Variants in DPYSL5 observed in about 807,000 individuals in gnomAD.
DPYSL5 encodes the protein dihydropyrimidinase like 5.
A neutral mutation model predicts 58.4 loss-of-function variants in DPYSL5; 9 were observed. The observed-to-expected ratio is 0.15, with a 90% confidence interval of 0.09 to 0.27. The LOEUF (loss-of-function observed/expected upper bound fraction) is 0.27, where lower values mean the gene tolerates loss of function less well. Among genes scored for constraint, DPYSL5 ranks in the 10% least tolerant of loss-of-function variants. DPYSL5 has a pLI of 1.00. For synonymous variants in DPYSL5, 293 were observed against 301.9 expected, an observed-to-expected ratio of 0.97 and a Z score of 0.31; for missense variants, 499 against 770.6, an observed-to-expected ratio of 0.65 and a Z score of 4.17.
chr2:26,926,353 T>C (rs1410992929), intron 3 of DPYSL5, among the ~76,000 whole-genome samples: 2 of 152,200 alleles, frequency 1.3e-5, no homozygotes, highest in African/African-American at 4.8e-5. Flanking sequence ...TGAGCCACTC[T>C]CTACTTCCCC....
rs1160933327 is a variant in DPYSL5 at position 26,927,175 on chromosome 2, C to T, written c.421-78C>T. ...GCTGGGGCAGGCCCCACATCTCCCC[C>T]ATGCTGGGCCGGTGCCTGCCAGTCG... is the stretch of plus-strand genomic sequence containing the variant. On this transcript the variant is annotated intron_variant, in intron 3 of 12. Transcript: ENST00000288699. The surrounding 1 kb of genome is among the most constrained non-coding windows in gnomAD (Gnocchi z 4.3). 9.0e-6 allele frequency: 13 copies of T among 1,449,536 alleles called. 1 individual carries two copies. The highest frequency in any genetic ancestry group is 6.7e-5 in the South Asian group (5 of 74,920). 89.8% of individuals were successfully genotyped at this position (1,449,536 alleles called of 1,614,324 possible).
chr2:26,873,616 A>G (rs144169865), intron 1 of DPYSL5, among the ~76,000 whole-genome samples: 103 of 152,358 alleles, frequency 6.8e-4, no homozygotes, highest in African/African-American at 2.3e-3. Context: ...CAGTTGGGGT[A>G]TGCAAATGAT....
rs1664062099 is a variant in DPYSL5 at position 26,898,144 on chromosome 2, A to C, written c.-4-352A>C. On this transcript the variant is annotated intron_variant, in intron 1 of 12. Coordinates refer to ENST00000288699, the MANE Select transcript of DPYSL5 (RefSeq NM_020134.4). The surrounding 1 kb of genome is among the most constrained non-coding windows in gnomAD (Gnocchi z 6.1). ...CAATTTCAGCTTTCTCATCTGTAAA[A>C]TGCCTTGGGTTGTTTTGGGGATAGT... is the stretch of plus-strand genomic sequence containing the variant. Among the ~76,000 whole-genome samples, 1 of 152,176 alleles carries C rather than the reference A, an allele frequency of 6.6e-6. No homozygotes were observed. The highest frequency in any genetic ancestry group is 1.5e-5 in the Non-Finnish European group (1 of 68,022).
At chr2:26,945,458 G>A (rs896013775) in intron 12 of DPYSL5, among the ~76,000 whole-genome samples, 2 of 151,960 alleles carry the variant, frequency 1.3e-5, no homozygotes, top group Non-Finnish European at 2.9e-5. Flanking sequence ...GGGTTCCTTG[G>A]GGGGTGCGAT....
intron 1 of DPYSL5, among the ~76,000 whole-genome samples, chr2:26,867,800 C>T (rs955404017): frequency 1.3e-5 from 2 of 152,232 alleles, no homozygotes; most frequent in African/African-American, 4.8e-5. Flanking sequence ...CAGTGGACAG[C>T]TTGGTGCCTG....
At chr2:26,932,093 G>GAAA (rs1558351243) in intron 6 of DPYSL5, among the ~76,000 whole-genome samples, 4 of 56,562 alleles carry the variant, frequency 7.1e-5, no homozygotes, top group African/African-American at 2.7e-4. Context: ...AAAGAAAAAA[G>GAAA]AAAGAGAAAG....
chr2:26,934,881 A>T lies in DPYSL5; in HGVS notation c.947+147A>T, dbSNP rs1665132615. 2.7e-6 allele frequency: 3 copies of T among 1,106,236 alleles called. No homozygotes were observed. The highest frequency in any genetic ancestry group is 3.9e-6 in the Non-Finnish European group (3 of 774,774). 68.5% of individuals were successfully genotyped at this position (1,106,236 alleles called of 1,614,324 possible). ...TTCTTACCTTCTCTGAGCCCATCAG[A>T]TAATTGCCATCCTATTGGGATTTTA... On this transcript the variant is annotated intron_variant, in intron 8 of 12. Transcript: ENST00000288699. The surrounding 1 kb of genome is among the most constrained non-coding windows in gnomAD (Gnocchi z 4.3).
chr2:26,932,161 A>AAG (rs1333858880), intron 6 of DPYSL5, among the ~76,000 whole-genome samples: 2 of 61,938 alleles, frequency 3.2e-5, no homozygotes, highest in Non-Finnish European at 3.4e-5. Flanking sequence ...GAAAGAAAGA[A>AAG]AGAAAGAAAG....
At chr2:26,851,109 C>G (rs1665739488) in intron 1 of DPYSL5, among the ~76,000 whole-genome samples, 2 of 152,114 alleles carry the variant, frequency 1.3e-5, no homozygotes, top group Admixed American at 6.5e-5. Context: ...AGAAATCTGA[C>G]AGTGAAGGTT....
chr2:26,879,512 G>A (rs963907328), intron 1 of DPYSL5, among the ~76,000 whole-genome samples: 3 of 143,734 alleles, frequency 2.1e-5, no homozygotes, highest in Admixed American at 1.4e-4. Context: ...CCTTTTGATT[G>A]TTTGGAATTA....
At chr2:26,882,289 A>G (rs1663589263) in intron 1 of DPYSL5, among the ~76,000 whole-genome samples, 1 of 151,932 alleles carries the variant, frequency 6.6e-6, no homozygotes, top group Non-Finnish European at 1.5e-5. Flanking sequence ...TCTGTCACCC[A>G]GGCTGGAGTT....
chr2:26,887,604 G>A (rs551235105), intron 1 of DPYSL5, among the ~76,000 whole-genome samples: 1 of 152,350 alleles, frequency 6.6e-6, no homozygotes, highest in African/African-American at 2.4e-5. Context: ...TGTCCACTCA[G>A]CAAGATGCTT....
intron 2 of DPYSL5, among the ~76,000 whole-genome samples, chr2:26,903,292 A>C (rs1449690320): frequency 6.6e-6 from 1 of 152,164 alleles, no homozygotes; most frequent in Non-Finnish European, 1.5e-5. Context: ...GACTGGTCTC[A>C]AACTCCTGAC....
intron 1 of DPYSL5, among the ~76,000 whole-genome samples, chr2:26,875,754 C>A (rs1466017627): frequency 6.6e-6 from 1 of 152,078 alleles, no homozygotes; most frequent in Non-Finnish European, 1.5e-5. Context: ...ATCTGGCCAG[C>A]CTTTCAGGGA....
chr2:26,874,680 A>G (rs1378028591), intron 1 of DPYSL5, among the ~76,000 whole-genome samples: 3 of 152,186 alleles, frequency 2.0e-5, no homozygotes, highest in Non-Finnish European at 4.4e-5. Context: ...TTCATGTGGC[A>G]TTTTCCAGGT....
chr2:26,917,482 C>G (rs1168540965), intron 2 of DPYSL5, among the ~76,000 whole-genome samples: 1 of 151,108 alleles, frequency 6.6e-6, no homozygotes, highest in Non-Finnish European at 1.5e-5. Context: ...CTCGGATGCC[C>G]TGGAAGAGGC....
chr2:26,894,033 A>G (rs1004577083), intron 1 of DPYSL5, among the ~76,000 whole-genome samples: 1 of 148,902 alleles, frequency 6.7e-6, no homozygotes, highest in African/African-American at 2.4e-5. Flanking sequence ...TAGAATTTAT[A>G]TTATAAATAT....
At chr2:26,914,581 C>T (rs1664518587) in intron 2 of DPYSL5, among the ~76,000 whole-genome samples, 1 of 152,206 alleles carries the variant, frequency 6.6e-6, no homozygotes, top group African/African-American at 2.4e-5. Context: ...CCAATCAGGC[C>T]TGTTCTTTAT....
chr2:26,944,748 C>T lies in DPYSL5; in HGVS notation c.1533C>T (p.Leu511=), dbSNP rs1196115487. 2.5e-6 allele frequency: 4 copies of T among 1,614,006 alleles called. No homozygotes were observed. The highest frequency in any genetic ancestry group is 2.2e-5 in the East Asian group (1 of 44,892). Residue 511 remains leucine (L), a synonymous_variant, in exon 12 of 13, where the codon CTC becomes CTT. Coordinates refer to ENST00000288699, the MANE Select transcript of DPYSL5 (RefSeq NM_020134.4). The surrounding 1 kb of genome is among the most constrained non-coding windows in gnomAD (Gnocchi z 4.4). ...GGAAAAAAGAGATGGGAACCCCACTCGCAGACACTCCTACCCGGCCCGTCA... is the reference window on the plus strand; with the variant it reads ...GGAAAAAAGAGATGGGAACCCCACTTGCAGACACTCCTACCCGGCCCGTCA... ...HPGKKEMGTP[L]ADTPTRPVTR...
Sources: gnomAD v4.1 joint callset for allele counts (sites outside exome capture counted in the v4.1 genomes callset) on GRCh38, gnomAD v4.1.1 for gene constraint, Gnocchi (gnomAD v3.1) non-coding constraint, MANE v1.5 for transcripts, NCBI Gene and HGNC (gene_info 2026-07-23, HGNC 2026-07-21) for gene names.